FAM168A: variants seen among roughly 807,000 people sequenced by gnomAD.
FAM168A encodes family with sequence similarity 168 member A.
Under a neutral mutation model 28.5 loss-of-function variants are expected in FAM168A, and 3 were observed. The ratio of observed to expected loss-of-function variants is 0.11; its 90% CI spans 0.05 to 0.27. The LOEUF is 0.27. FAM168A is among the 10% of genes least tolerant of loss of function. The pLI is 1.00. For synonymous variants in FAM168A, 122 were observed against 124.2 expected, an observed-to-expected ratio of 0.98 and a Z score of 0.12; for missense variants, 222 against 311.5, an observed-to-expected ratio of 0.71 and a Z score of 2.16.
At chr11:73,523,706 C>A (rs1332573626) in intron 1 of FAM168A, among the ~76,000 whole-genome samples, 2 of 152,106 alleles carry the variant, frequency 1.3e-5, no homozygotes, top group East Asian at 3.8e-4. Flanking sequence ...ACCTCAGCCT[C>A]CCAAAGTGCT....
rs1004849103 is a variant in FAM168A at position 73,402,429 on chromosome 11, T to C, written c.*4334A>G. On this transcript the variant is annotated 3_prime_UTR_variant, in exon 8 of 8. Transcript: ENST00000356467. ...AAGGGGCCTGTCCTTTTATACTTCATGTGATTCCTTTCTGAAGGCCATCAG... is the reference window on the plus strand; with the variant it reads ...AAGGGGCCTGTCCTTTTATACTTCACGTGATTCCTTTCTGAAGGCCATCAG... The C allele has an allele frequency of 1.3e-5, 2 of 152,182 alleles. No homozygotes were observed. Among genetic ancestry groups the C allele is most frequent in the Non-Finnish European group, 2.9e-5 (2 of 68,042 alleles). 9.4% of individuals were successfully genotyped at this position (152,182 alleles called of 1,614,324 possible).
chr11:73,424,903 T>C lies in FAM168A; in HGVS notation c.152-4904A>G, dbSNP rs1039972417. On this transcript the variant is annotated intron_variant, in intron 3 of 7. Transcript: ENST00000356467. ...CTTTAGGAACTGCTGCTGAGCCACC[T>C]GGGGGGAGCCCAAGCCTAGGGGATG... is the stretch of plus-strand genomic sequence containing the variant. 7.6e-6 allele frequency: 6 copies of C among 792,548 alleles called. No homozygotes were observed. The Admixed American group carries it at 1.6e-4, about 22-fold the overall frequency. 49.1% of individuals were successfully genotyped at this position (792,548 alleles called of 1,614,324 possible).
At chr11:73,442,838 CTTT>C (rs11365247) in intron 2 of FAM168A, among the ~76,000 whole-genome samples, 3 of 127,416 alleles carry the variant, frequency 2.4e-5, no homozygotes, top group Non-Finnish European at 5.1e-5. Context: ...TTCTTTCTTT[CTTT>C]TTTTTTTTTT....
Position 73,402,535 on chromosome 11 carries a change from G to A in FAM168A, c.*4228C>T, listed in dbSNP as rs1432118566. 1 of 152,234 alleles carries A rather than the reference G, an allele frequency of 6.6e-6. No individual in the cohort carries two copies. Among genetic ancestry groups the A allele is most frequent in the East Asian group, 1.9e-4 (1 of 5,200 alleles). 9.4% of individuals were successfully genotyped at this position (152,234 alleles called of 1,614,324 possible). On this transcript the variant is annotated 3_prime_UTR_variant, in exon 8 of 8. Transcript: ENST00000356467. Reference sequence around the variant, plus strand: ...AAACTTGGAACAATTCGGGTGGCCAGGGGTAAGGATGCTCAGAGTCTGGTT... The same window carrying A: ...AAACTTGGAACAATTCGGGTGGCCAAGGGTAAGGATGCTCAGAGTCTGGTT...
At chr11:73,441,373 T>A (rs1867192094) in intron 2 of FAM168A, among the ~76,000 whole-genome samples, 1 of 152,214 alleles carries the variant, frequency 6.6e-6, no homozygotes, top group African/African-American at 2.4e-5. Context: ...GGCAAAAAAA[T>A]TTTAAAGTGT....
rs1373622652 is a variant in FAM168A at position 73,402,487 on chromosome 11, G to C, written c.*4276C>G. 1 of 152,220 alleles carries C rather than the reference G, an allele frequency of 6.6e-6. No individual in the cohort carries two copies. The highest frequency in any genetic ancestry group is 1.5e-5 in the Non-Finnish European group (1 of 68,040). The allele number at this position is 152,220 out of a possible 1,614,324, so 9.4% of individuals were successfully genotyped here. ...CAAGCCCTCCAAAGAAGGACCCCCA[G>C]ATCTCTGGGAACGGGGTACCTCAAA... is the stretch of plus-strand genomic sequence containing the variant. On this transcript the variant is annotated 3_prime_UTR_variant, in exon 8 of 8. Transcript: ENST00000356467.
At chr11:73,566,573 G>C (rs1565301100) in intron 1 of FAM168A, among the ~76,000 whole-genome samples, 1 of 152,128 alleles carries the variant, frequency 6.6e-6, no homozygotes, top group African/African-American at 2.4e-5. Context: ...CTCCTGGAAA[G>C]TCAGACCTCC....
At chr11:73,464,752 G>A (rs1867707177) in intron 2 of FAM168A, among the ~76,000 whole-genome samples, 1 of 152,132 alleles carries the variant, frequency 6.6e-6, no homozygotes, top group African/African-American at 2.4e-5. Flanking sequence ...TCCCGTTTTA[G>A]AATTATTTTC....
At chr11:73,410,629 G>T (rs2134480657) in intron 5 of FAM168A, 1 of 152,132 alleles carries the variant, frequency 6.6e-6, no homozygotes, top group South Asian at 2.1e-4. Context: ...TCTTAATTCA[G>T]AAATCTTCAA....
intron 3 of FAM168A, among the ~76,000 whole-genome samples, chr11:73,422,397 T>A (rs1365969429): frequency 6.6e-6 from 1 of 152,234 alleles, no homozygotes. Flanking sequence ...CCTTATAATT[T>A]ACATAACTAG....
chr11:73,431,725 A>C (rs1866998028), intron 2 of FAM168A, among the ~76,000 whole-genome samples: 2 of 152,178 alleles, frequency 1.3e-5, no homozygotes, highest in Non-Finnish European at 2.9e-5. Context: ...TCACTACAGT[A>C]TACTATATTC....
rs142642592 is a variant in FAM168A, at chr11:73,472,907, G to A, written c.-18-4415C>T. Among the ~76,000 whole-genome samples the A allele has an allele frequency of 1.6e-3, 243 of 152,170 alleles. No homozygotes were observed. The East Asian group carries it at 0.026, about 16-fold the overall frequency. ...AATCTGGATTTGGACTTAGATTGGA[G>A]ATGCCTAAGAATTTTGCTCAGAACA... On this transcript the variant is annotated intron_variant, in intron 1 of 7. Coordinates refer to ENST00000356467, the MANE Select transcript of FAM168A (RefSeq NM_015159.3).
intron 1 of FAM168A, among the ~76,000 whole-genome samples, chr11:73,494,674 G>A (rs1854833073): frequency 6.6e-6 from 1 of 152,172 alleles, no homozygotes; most frequent in Non-Finnish European, 1.5e-5. Context: ...ATTCCTAGCA[G>A]CACCAACGCC....
At chr11:73,438,254 T>A (rs1188881574) in intron 2 of FAM168A, among the ~76,000 whole-genome samples, 1 of 152,206 alleles carries the variant, frequency 6.6e-6, no homozygotes, top group African/African-American at 2.4e-5. Context: ...TCTCTAGCAG[T>A]AATATATGTA....
At chr11:73,583,485 T>A (rs1012511928) in intron 1 of FAM168A, among the ~76,000 whole-genome samples, 1 of 152,168 alleles carries the variant, frequency 6.6e-6, no homozygotes, top group Non-Finnish European at 1.5e-5. Flanking sequence ...GATGATCAGA[T>A]ACAACTCCTG....
chr11:73,480,656 T>C (rs1867954969), intron 1 of FAM168A, among the ~76,000 whole-genome samples: 1 of 152,164 alleles, frequency 6.6e-6, no homozygotes, highest in Non-Finnish European at 1.5e-5. Flanking sequence ...AGCACTTTTA[T>C]AGCTTATGAA....
In FAM168A at chr11:73,510,158, G is replaced by A. The variant is rs151192859; in HGVS notation, c.-18-41666C>T. 3.3e-3 allele frequency among the ~76,000 whole-genome samples: 502 copies of A among 152,176 alleles called. 3 individuals carry two copies. Among genetic ancestry groups the A allele is most frequent in the Middle Eastern group, 0.014 (4 of 294 alleles). On this transcript the variant is annotated intron_variant, in intron 1 of 7. Coordinates refer to ENST00000356467, the MANE Select transcript of FAM168A (RefSeq NM_015159.3). Reference sequence around the variant, plus strand: ...ACTCAGATTCAGAATATCTGAGTTGGAACCTTGGATCCATCTATTCGTAGC... The same window carrying A: ...ACTCAGATTCAGAATATCTGAGTTGAAACCTTGGATCCATCTATTCGTAGC...
In FAM168A at chr11:73,497,409, A is replaced by C. The variant is rs538061744; in HGVS notation, c.-18-28917T>G. Among the ~76,000 whole-genome samples, 32 of 151,952 alleles carry C rather than the reference A, an allele frequency of 2.1e-4. No individual in the cohort carries two copies. In the South Asian group the frequency reaches 6.7e-3, roughly 32 times the overall value. ...GAACCTGGGAGGCGGAGGTTGCACCACTGCACTCCAGCCTGGCGACAGAGA... is the reference window on the plus strand; with the variant it reads ...GAACCTGGGAGGCGGAGGTTGCACCCCTGCACTCCAGCCTGGCGACAGAGA... On this transcript the variant is annotated intron_variant, in intron 1 of 7. Transcript: ENST00000356467.
chr11:73,429,187 TTAAG>T (rs772525084), intron 3 of FAM168A, among the ~76,000 whole-genome samples: 74 of 152,212 alleles, frequency 4.9e-4, no homozygotes, highest in Admixed American at 1.2e-3. Context: ...CTTTTCTCCT[TTAAG>T]TAAGCCCCAA....
Sources: gnomAD v4.1 joint callset for allele counts (sites outside exome capture counted in the v4.1 genomes callset) on GRCh38, gnomAD v4.1.1 for gene constraint, MANE v1.5 for transcripts, NCBI Gene and HGNC (gene_info 2026-07-23, HGNC 2026-07-21) for gene names.